The following TRRAP variants were observed in gnomAD, a reference collection of about 807,000 sequenced individuals.
The protein encoded by TRRAP is transformation/transcription domain associated protein.
Under a neutral mutation model 438.8 loss-of-function variants are expected in TRRAP, and 41 were observed. The observed-to-expected ratio is 0.09, with a 90% CI of 0.07 to 0.12. The LOEUF is 0.12. TRRAP is among the 10% of genes least tolerant of loss of function. The pLI is 1.00. For missense variants in TRRAP, 3,122 were observed against 5,055.1 expected, an observed-to-expected ratio of 0.62 and a Z score of 11.60; for synonymous variants, 1,994 against 1,962.9, an observed-to-expected ratio of 1.02 and a Z score of -0.42.
chr7:98,994,308 A>T lies in TRRAP; in HGVS notation c.10048-279A>T, dbSNP rs1441993492. Among the ~76,000 whole-genome samples the T allele has an allele frequency of 2.6e-5, 4 of 152,222 alleles. No homozygotes were observed. Among genetic ancestry groups the T allele is most frequent in the Admixed American group, 1.3e-4 (2 of 15,278 alleles). On this transcript the variant is annotated intron_variant, in intron 66 of 72. Transcript: ENST00000456197. This position sits in a 1 kb window ranked among gnomAD's most constrained non-coding sequence, Gnocchi z 4.8. ...ATGCAGGGGTTTTGTGGCTAATCGC[A>T]GACGGGTGTATGATCCAAAAAAGTG...
intron 3 of TRRAP, among the ~76,000 whole-genome samples, chr7:98,889,239 C>T (rs940139367): frequency 1.3e-5 from 2 of 151,940 alleles, no homozygotes; most frequent in Non-Finnish European, 2.9e-5. Context: ...TAATACCTAT[C>T]TTAGAGATAA....
intron 13 of TRRAP, among the ~76,000 whole-genome samples, chr7:98,907,406 C>A (rs1796827861): frequency 6.6e-6 from 1 of 151,966 alleles, no homozygotes; most frequent in South Asian, 2.1e-4. Flanking sequence ...TAAAATGAAT[C>A]AATGTTTGTC....
intron 68 of TRRAP, 135 bp downstream of exon 68, chr7:99,004,550 T>G (rs2116858442): frequency 1.3e-6 from 1 of 799,872 alleles, no homozygotes; most frequent in African/African-American, 1.7e-5. Flanking sequence ...AAGATGATTC[T>G]GGAATGTAAG....
intron 23 of TRRAP, among the ~76,000 whole-genome samples, chr7:98,928,271 C>T (rs1226259967): frequency 6.6e-6 from 1 of 152,012 alleles, no homozygotes; most frequent in African/African-American, 2.4e-5. Context: ...AATGTCATGC[C>T]ACTGCCAGTT....
chr7:98,882,124 A>C, intron 3 of TRRAP, 100 bp downstream of exon 3: 2 of 1,013,210 alleles, frequency 2.0e-6, no homozygotes, highest in South Asian at 1.6e-5. Flanking sequence ...CTCAAAGATC[A>C]TTGTCTTTGT....
chr7:98,953,108 C>T, intron 39 of TRRAP, 59 bp from the exon 40 acceptor site: 2 of 1,538,628 alleles, frequency 1.3e-6, no homozygotes, highest in Non-Finnish European at 1.8e-6. Flanking sequence ...GTCGTATGAC[C>T]CTCAGTCAGT....
intron 48 of TRRAP, among the ~76,000 whole-genome samples, chr7:98,965,239 A>G (rs548969891): frequency 5.9e-5 from 9 of 152,394 alleles, no homozygotes; most frequent in Admixed American, 4.6e-4. Flanking sequence ...TTCACCACTG[A>G]GACTTACCAG....
chr7:98,981,655 G>A (rs954858257), intron 58 of TRRAP, 114 bp from the exon 59 acceptor site: 3 of 1,005,096 alleles, frequency 3.0e-6, no homozygotes, highest in South Asian at 3.3e-5. Context: ...CCTAATTTCT[G>A]TGTATTGCCT....
intron 12 of TRRAP, among the ~76,000 whole-genome samples, chr7:98,905,649 G>A (rs1409638597): frequency 1.3e-5 from 2 of 152,138 alleles, no homozygotes; most frequent in Non-Finnish European, 2.9e-5. Context: ...ACCCCGGTGG[G>A]GATTCTGATG....
intron 14 of TRRAP, 70 bp from the exon 15 acceptor site, chr7:98,909,986 A>G: frequency 4.0e-6 from 6 of 1,503,010 alleles, no homozygotes; most frequent in Middle Eastern, 1.8e-4. Flanking sequence ...TTTTACTGTG[A>G]TCTGAGCAGT....
chr7:98,969,983 G>A, intron 51 of TRRAP, 129 bp from the exon 52 acceptor site: 1 of 1,085,570 alleles, frequency 9.2e-7, no homozygotes, highest in Non-Finnish European at 1.3e-6. Flanking sequence ...GGTGGGAAAG[G>A]GTGCTGAGCT....
chr7:98,904,808 A>C (rs192784601), intron 12 of TRRAP, among the ~76,000 whole-genome samples: 200 of 152,368 alleles, frequency 1.3e-3, no homozygotes, highest in African/African-American at 4.2e-3. Flanking sequence ...TTAGCATCAC[A>C]TCTCAAAGTT....
chr7:98,937,309 CGT>C lies in TRRAP; in HGVS notation c.4233+38_4233+39del. On this transcript the variant is annotated intron_variant, in intron 29 of 72. Transcript: ENST00000456197. ...GTGTGTGCGTGCGTGTATGCGCACG[CGT>C]GTGTGCACACACATGTGTGTGTACT... 2.6e-6 allele frequency: 4 copies of C among 1,563,574 alleles called. No homozygotes were observed. The South Asian group carries it at 3.4e-5, about 13-fold the overall frequency.
At chr7:98,977,098 G>T (rs554065286) in intron 56 of TRRAP, 22 bp downstream of exon 56, 1 of 1,613,868 alleles carries the variant, frequency 6.2e-7, no homozygotes, top group Non-Finnish European at 8.5e-7. Context: ...ACCACTGACG[G>T]TCTTGGGTGT....
At chr7:98,928,460 C>T (rs887376005) in intron 23 of TRRAP, among the ~76,000 whole-genome samples, 2 of 152,148 alleles carry the variant, frequency 1.3e-5, no homozygotes, top group African/African-American at 2.4e-5. Context: ...CTTGGCCTGA[C>T]GGGTCAATAC....
chr7:98,908,591 A>T lies in TRRAP; in HGVS notation c.1116-137A>T. 1 of 675,644 alleles carries T rather than the reference A, an allele frequency of 1.5e-6. No individual in the cohort carries two copies. Among genetic ancestry groups the T allele is most frequent in the Non-Finnish European group, 2.6e-6 (1 of 388,128 alleles). 41.9% of individuals were successfully genotyped at this position (675,644 alleles called of 1,614,324 possible). On this transcript the variant is annotated intron_variant, in intron 13 of 72. Coordinates refer to ENST00000456197, the MANE Select transcript of TRRAP (RefSeq NM_001375524.1). The surrounding 1 kb of genome is among the most constrained non-coding windows in gnomAD (Gnocchi z 4.1). Reference sequence around the variant, plus strand: ...TTCTGTCATGTATCTGGGAGAGAGTAATGTGGTGAAAATGGGCCATGTAAG... The same window carrying T: ...TTCTGTCATGTATCTGGGAGAGAGTTATGTGGTGAAAATGGGCCATGTAAG...
intron 63 of TRRAP, 85 bp from the exon 64 acceptor site, chr7:98,990,370 C>A: frequency 2.7e-6 from 4 of 1,497,960 alleles, no homozygotes; most frequent in Non-Finnish European, 3.7e-6. Flanking sequence ...CCGCTCTATA[C>A]AGTGTTGTAA....
At chr7:99,006,655 C>T (rs1258089957) in intron 69 of TRRAP, among the ~76,000 whole-genome samples, 5 of 152,228 alleles carry the variant, frequency 3.3e-5, no homozygotes, top group African/African-American at 1.2e-4. Context: ...GTGCACTTCA[C>T]ATGCCCCTGA....
intron 1 of TRRAP, 140 bp from the exon 2 acceptor site, chr7:98,880,950 A>C (rs1554402942): frequency 4.9e-6 from 2 of 411,686 alleles, no homozygotes; most frequent in Non-Finnish European, 8.5e-6. Flanking sequence ...ACTTCATATT[A>C]AAAAAACCAG....
Sources: gnomAD v4.1 joint callset for allele counts (sites outside exome capture counted in the v4.1 genomes callset) on GRCh38, gnomAD v4.1.1 for gene constraint, Gnocchi (gnomAD v3.1) non-coding constraint, MANE v1.5 for transcripts, NCBI Gene and HGNC (gene_info 2026-07-23, HGNC 2026-07-21) for gene names.